The following RNF220 variants were observed in gnomAD, a reference collection of about 807,000 sequenced individuals.
The protein encoded by RNF220 is E3 ubiquitin-protein ligase RNF220.
In RNF220, 7 loss-of-function variants were observed where a neutral mutation model predicts 67.1. The ratio of observed to expected loss-of-function variants is 0.10; its 90% CI spans 0.06 to 0.20. The LOEUF (loss-of-function observed/expected upper bound fraction) is 0.20, where lower values mean the gene tolerates loss of function less well. Ranked by LOEUF, RNF220 falls within the 10% of genes least tolerant of loss-of-function variation. The probability of loss-of-function intolerance (pLI) is 1.00; values close to 1 mark genes in which losing one functional copy is unlikely to be tolerated. For synonymous variants in RNF220, 270 were observed against 283.2 expected (o/e 0.95, Z 0.47); for missense variants, 565 against 740.3 (o/e 0.76, Z 2.75).
At chr1:44,435,882 G>A (rs994351631) in intron 2 of RNF220, among the ~76,000 whole-genome samples, 3 of 151,860 alleles carry the variant, frequency 2.0e-5, no homozygotes, top group Non-Finnish European at 2.9e-5. Flanking sequence ...AGATCGTGCC[G>A]TTGCACTCCG....
At chr1:44,435,975 G>C (rs1447236877) in intron 2 of RNF220, among the ~76,000 whole-genome samples, 1 of 152,074 alleles carries the variant, frequency 6.6e-6, no homozygotes, top group Non-Finnish European at 1.5e-5. Context: ...GGATAGGTTA[G>C]GGTTAGAATC....
intron 2 of RNF220, among the ~76,000 whole-genome samples, chr1:44,587,003 G>A (rs270715): frequency 0.24 from 36,566 of 151,856 alleles, 4,644 homozygotes; most frequent in South Asian, 0.37. Flanking sequence ...AGTCTCTACC[G>A]GAGACACCTC....
intron 3 of RNF220, among the ~76,000 whole-genome samples, chr1:44,615,629 G>A (rs1643513631): frequency 6.6e-6 from 1 of 152,124 alleles, no homozygotes; most frequent in South Asian, 2.1e-4. Flanking sequence ...TGAGGGTAGG[G>A]AGGGTCAGGC....
At chr1:44,438,819 T>A (rs866957301) in intron 2 of RNF220, among the ~76,000 whole-genome samples, 17 of 152,386 alleles carry the variant, frequency 1.1e-4, no homozygotes, top group Non-Finnish European at 1.8e-4. Flanking sequence ...AATGAGTAGA[T>A]AATAAGTAGA....
chr1:44,498,707 A>G (rs546259303), intron 2 of RNF220, among the ~76,000 whole-genome samples: 2 of 152,256 alleles, frequency 1.3e-5, no homozygotes, highest in East Asian at 1.9e-4. Context: ...ACTATCATCA[A>G]GTCTTTCAAC....
At chr1:44,423,837 G>A (rs1340647) in intron 2 of RNF220, 902,796 of 985,102 alleles carry the variant, frequency 0.92, 413,860 homozygotes, top group East Asian at 1. Flanking sequence ...CTTGACTTTC[G>A]CGAGGGAGGT....
At chr1:44,616,731 C>T (rs1238151739) in intron 3 of RNF220, among the ~76,000 whole-genome samples, 1 of 152,132 alleles carries the variant, frequency 6.6e-6, no homozygotes, top group Non-Finnish European at 1.5e-5. Flanking sequence ...AGGACTTCTC[C>T]TACCAGGGTC....
At chr1:44,461,464 G>A (rs1483803988) in intron 2 of RNF220, among the ~76,000 whole-genome samples, 1 of 152,222 alleles carries the variant, frequency 6.6e-6, no homozygotes, top group Non-Finnish European at 1.5e-5. Flanking sequence ...AGTGGCTGTG[G>A]ATGTTTTGGT....
intron 2 of RNF220, among the ~76,000 whole-genome samples, chr1:44,502,161 A>T (rs1027149333): frequency 8.3e-4 from 73 of 88,096 alleles, no homozygotes; most frequent in Non-Finnish European, 9.9e-4. Flanking sequence ...TCTCTCTCAC[A>T]CACACACACA....
chr1:44,469,430 GAAAGCAC>G (rs60102291), intron 2 of RNF220, among the ~76,000 whole-genome samples: 45,826 of 151,650 alleles, frequency 0.3, 7,009 homozygotes, highest in Middle Eastern at 0.38. Context: ...AGTTCACCTA[GAAAGCAC>G]AAATCTCAGA....
At chr1:44,456,817 C>T (rs992103526) in intron 2 of RNF220, among the ~76,000 whole-genome samples, 2 of 152,128 alleles carry the variant, frequency 1.3e-5, no homozygotes, top group African/African-American at 4.8e-5. Flanking sequence ...CTAGCCCTCT[C>T]CCTCTCTGGC....
chr1:44,505,621 G>A (rs966592545), intron 2 of RNF220, among the ~76,000 whole-genome samples: 1 of 152,210 alleles, frequency 6.6e-6, no homozygotes, highest in South Asian at 2.1e-4. Context: ...TTAGGAACGG[G>A]TTAAGGTACA....
rs983202991 is a variant in RNF220 at position 44,407,103 on chromosome 1, C to T, written c.-118+1573C>T. ...CTGGGTGGGTGCATGGGGCCCGGGC[C>T]ATAGGTGTGGGGGCACAGCCCTACC... On this transcript the variant is annotated intron_variant, in intron 1 of 14. Coordinates refer to ENST00000361799, the MANE Select transcript of RNF220 (RefSeq NM_018150.4). Among the ~76,000 whole-genome samples the T allele has an allele frequency of 3.5e-4, 54 of 152,168 alleles. 5 individuals are homozygous for T. Among genetic ancestry groups the T allele is most frequent in the Non-Finnish European group, 1.5e-5 (1 of 68,012 alleles).
chr1:44,625,923 G>A (rs1049856695), intron 4 of RNF220, among the ~76,000 whole-genome samples: 6 of 152,084 alleles, frequency 3.9e-5, no homozygotes, highest in African/African-American at 7.2e-5. Flanking sequence ...AAGGGCAGGC[G>A]GGGTAGCGGG....
In RNF220 at chr1:44,412,206, G is replaced by T. The variant is rs1648035308; in HGVS notation, c.109G>T (p.Asp37Tyr). ...VLASTAEASR[D>Y]ASIPCQQPRP... ...GGCATCCACGGCTGAGGCCAGCCGT[G>T]ATGCTTCCATCCCTTGTCAGCAGCC... is the stretch of plus-strand genomic sequence containing the variant. The change falls in exon 2 of 15, where the codon GAT (aspartate) becomes TAT (tyrosine). Residue 37 changes from aspartate to tyrosine, a missense_variant. Asp to Tyr is a radical substitution (Grantham distance 160). Coordinates refer to ENST00000361799, the MANE Select transcript of RNF220 (RefSeq NM_018150.4). The surrounding 1 kb of genome is among the most constrained non-coding windows in gnomAD (Gnocchi z 5.3). The T allele has an allele frequency of 6.2e-7, 1 of 1,614,068 alleles. No individual in the cohort carries two copies.
chr1:44,457,844 AC>A (rs1653353837), intron 2 of RNF220, among the ~76,000 whole-genome samples: 1 of 152,206 alleles, frequency 6.6e-6, no homozygotes. Flanking sequence ...GAAATGCACA[AC>A]CACTTGCTAG....
intron 2 of RNF220, among the ~76,000 whole-genome samples, chr1:44,432,820 A>C (rs1650534194): frequency 6.7e-6 from 1 of 149,990 alleles, no homozygotes; most frequent in African/African-American, 2.5e-5. Context: ...CCACAGAAAT[A>C]TTTTGTTGGT....
At chr1:44,561,098 G>A (rs1663533897) in intron 2 of RNF220, among the ~76,000 whole-genome samples, 2 of 152,224 alleles carry the variant, frequency 1.3e-5, no homozygotes, top group African/African-American at 4.8e-5. Context: ...TACAGTCTAG[G>A]AGGTACCTGT....
At chr1:44,448,792 G>A (rs1392653072) in intron 2 of RNF220, among the ~76,000 whole-genome samples, 6 of 152,124 alleles carry the variant, frequency 3.9e-5, no homozygotes, top group Admixed American at 2.6e-4. Context: ...TCAAAATACC[G>A]GATTACAGTA....
Sources: gnomAD v4.1 joint callset for allele counts (sites outside exome capture counted in the v4.1 genomes callset) on GRCh38, gnomAD v4.1.1 for gene constraint, Gnocchi (gnomAD v3.1) non-coding constraint, MANE v1.5 for transcripts, NCBI Gene and HGNC (gene_info 2026-07-23, HGNC 2026-07-21) for gene names.